Variants in NAV3 observed in about 807,000 individuals in gnomAD.
NAV3 encodes the protein pore membrane and/or filament interacting like protein 1.
In NAV3, 87 loss-of-function variants were observed where a neutral mutation model predicts 244.7. That is an observed-to-expected ratio of 0.36 (90% confidence interval 0.30 to 0.42). The LOEUF (loss-of-function observed/expected upper bound fraction) is 0.42, where lower values mean the gene tolerates loss of function less well. Among genes scored for constraint, NAV3 ranks in the 20% least tolerant of loss-of-function variants. The pLI is 1.00. For synonymous variants in NAV3, 1,126 were observed against 1,042.2 expected (o/e 1.08, Z -1.55); for missense variants, 2,663 against 2,893.3 (o/e 0.92, Z 1.83).
At chr12:77,791,811 C>G (rs1871188074) in intron 2 of NAV3, among the ~76,000 whole-genome samples, 1 of 152,212 alleles carries the variant, frequency 6.6e-6, no homozygotes, top group African/African-American at 2.4e-5. Context: ...GTTCATTCCC[C>G]AAACAATACA....
At chr12:77,998,873 T>C (rs963990915) in intron 7 of NAV3, among the ~76,000 whole-genome samples, 5 of 152,158 alleles carry the variant, frequency 3.3e-5, no homozygotes, top group Non-Finnish European at 7.3e-5. Context: ...ACAATTAAGG[T>C]TGGAGCATCA....
At chr12:78,117,196 T>TGA (rs1379924803) in intron 13 of NAV3, among the ~76,000 whole-genome samples, 1 of 67,520 alleles carries the variant, frequency 1.5e-5, no homozygotes, top group Non-Finnish European at 3.2e-5. Flanking sequence ...TATATATATA[T>TGA]GATATACATT....
rs2137469582 is a variant in NAV3 at position 77,940,371 on chromosome 12, T to A, written c.296T>A (p.Leu99Gln). 6.2e-7 allele frequency: 1 copy of A among 1,613,958 alleles called. No individual in the cohort carries two copies. Among genetic ancestry groups the A allele is most frequent in the African/African-American group, 1.3e-5 (1 of 75,032 alleles). Residue 99 changes from leucine to glutamine, a missense_variant, in exon 2 of 40, where the codon CTG (leucine) becomes CAG (glutamine). Physicochemically the swap from Leu to Gln is moderately radical, Grantham distance 113 (BLOSUM62 -2). Coordinates refer to ENST00000397909, the MANE Select transcript of NAV3 (RefSeq NM_001024383.2). ...HYLAKSGHKR[L>Q]IKDLQQDIAD... The stretch of plus-strand genomic sequence containing the variant: ...CTAGCAAAATCAGGCCACAAGCGGC[T>A]GATCAAGGACTTGCAACAAGACATT...
At chr12:77,788,735 CATG>C in intron 2 of NAV3, among the ~76,000 whole-genome samples, 1 of 151,108 alleles carries the variant, frequency 6.6e-6, no homozygotes, top group Non-Finnish European at 1.5e-5. Flanking sequence ...GTACTGCGGT[CATG>C]TTGGATAAAT....
chr12:77,719,022 C>T (rs528030240), intron 2 of NAV3, among the ~76,000 whole-genome samples: 11 of 152,190 alleles, frequency 7.2e-5, no homozygotes, highest in African/African-American at 2.4e-4. Context: ...TTTTCATGTA[C>T]AAGTCTTTTC....
At chr12:78,023,067 A>G (rs896016682) in intron 9 of NAV3, among the ~76,000 whole-genome samples, 2 of 152,174 alleles carry the variant, frequency 1.3e-5, no homozygotes, top group Admixed American at 6.5e-5. Flanking sequence ...CTATGTGTCT[A>G]TTATGACCAG....
chr12:78,036,280 A>G (rs1369645954), intron 9 of NAV3: 1 of 152,258 alleles, frequency 6.6e-6, no homozygotes, highest in East Asian at 1.9e-4. Flanking sequence ...GAATACTAAA[A>G]TGTAAGAGGC....
At chr12:77,664,234 G>A (rs1222354640) in intron 2 of NAV3, among the ~76,000 whole-genome samples, 1 of 152,126 alleles carries the variant, frequency 6.6e-6, no homozygotes, top group Admixed American at 6.6e-5. Context: ...AATACAATAA[G>A]AACTGAAAAT....
intron 1 of NAV3, among the ~76,000 whole-genome samples, chr12:77,935,907 C>T (rs1250105051): frequency 1.3e-5 from 2 of 152,162 alleles, no homozygotes; most frequent in East Asian, 3.9e-4. Context: ...AGAACTCTAT[C>T]AGAACAGCAA....
intron 16 of NAV3, among the ~76,000 whole-genome samples, chr12:78,122,780 A>C (rs1955731280): frequency 6.6e-6 from 1 of 152,180 alleles, no homozygotes; most frequent in Non-Finnish European, 1.5e-5. Context: ...ATGATGACTT[A>C]AGCATTTTGA....
intron 2 of NAV3, among the ~76,000 whole-genome samples, chr12:77,775,115 G>T (rs932271578): frequency 5.9e-5 from 9 of 151,922 alleles, no homozygotes; most frequent in Non-Finnish European, 1.3e-4. Flanking sequence ...ATTTTGGCTG[G>T]GTGCGGTGGC....
At chr12:78,114,371 C>T (rs1238713620) in intron 12 of NAV3, among the ~76,000 whole-genome samples, 1 of 152,052 alleles carries the variant, frequency 6.6e-6, no homozygotes. Context: ...TATTCTCATG[C>T]TGATAATAAA....
intron 2 of NAV3, among the ~76,000 whole-genome samples, chr12:77,655,368 G>A (rs991823252): frequency 8.5e-5 from 13 of 152,152 alleles, no homozygotes; most frequent in African/African-American, 2.9e-4. Context: ...GATGGAAGAT[G>A]AAATGAATGA....
intron 2 of NAV3, among the ~76,000 whole-genome samples, chr12:77,650,622 GTTA>G (rs1872781294): frequency 6.6e-6 from 1 of 152,172 alleles, no homozygotes; most frequent in East Asian, 1.9e-4. Context: ...CTTGACTTTA[GTTA>G]TTTAGTGTGG....
chr12:77,913,867 G>A (rs1355117185), intron 1 of NAV3, among the ~76,000 whole-genome samples: 1 of 152,052 alleles, frequency 6.6e-6, no homozygotes, highest in Non-Finnish European at 1.5e-5. Flanking sequence ...TCTGATGATT[G>A]TGCTTGATAC....
chr12:77,660,606 G>A (rs1032297438), intron 2 of NAV3, among the ~76,000 whole-genome samples: 1 of 152,022 alleles, frequency 6.6e-6, no homozygotes, highest in African/African-American at 2.4e-5. Context: ...AGGTATGATT[G>A]TATGCATATA....
Position 77,890,610 on chromosome 12 carries a change from G to A in NAV3, c.244-49709G>A, listed in dbSNP as rs76921886. On this transcript the variant is annotated intron_variant, in intron 1 of 39. Coordinates refer to ENST00000397909, the MANE Select transcript of NAV3 (RefSeq NM_001024383.2). ...TCTTACCTTTCTTTAAAAATGTAGT[G>A]AGAACCTCTGTTTTTACTTTGATAT... Among the ~76,000 whole-genome samples the A allele has an allele frequency of 2.8e-3, 432 of 152,212 alleles. 4 individuals are homozygous for A. The highest frequency in any genetic ancestry group is 8.4e-3 in the African/African-American group (348 of 41,538).
At chr12:78,106,485 TC>T (rs1275567750) in intron 12 of NAV3, among the ~76,000 whole-genome samples, 2 of 152,222 alleles carry the variant, frequency 1.3e-5, no homozygotes, top group Non-Finnish European at 2.9e-5. Flanking sequence ...TATCAGTATT[TC>T]CCAAATTAAT....
chr12:78,166,865 C>T (rs975610944), intron 23 of NAV3, among the ~76,000 whole-genome samples: 1 of 151,656 alleles, frequency 6.6e-6, no homozygotes, highest in African/African-American at 2.4e-5. Context: ...CCAATTTTTT[C>T]ATTTAAAGCC....
Sources: allele counts gnomAD v4.1 joint callset (sites outside exome capture counted in the v4.1 genomes callset), GRCh38; gene constraint gnomAD v4.1.1; transcripts MANE v1.5; gene names NCBI Gene and HGNC (gene_info 2026-07-23, HGNC 2026-07-21).